The following HAPSTR1 variants were observed in gnomAD, a reference collection of about 807,000 sequenced individuals.
HAPSTR1 encodes the protein HUWE1 associated protein modifying stress responses.
the HAPSTR1 span, among the ~76,000 whole-genome samples, chr16:9,100,312 G>A: frequency 6.6e-6 from 1 of 152,264 alleles, no homozygotes; most frequent in Middle Eastern, 3.4e-3. Flanking sequence ...TTTTCCCGAT[G>A]TTCAAATCTG....
the HAPSTR1 span, among the ~76,000 whole-genome samples, chr16:9,115,635 T>A: frequency 6.6e-6 from 1 of 152,160 alleles, no homozygotes; most frequent in Non-Finnish European, 1.5e-5. Context: ...AACTCTTTTG[T>A]TTTTGAGACG....
chr16:9,115,094 G>T, the HAPSTR1 span, among the ~76,000 whole-genome samples: 1 of 152,146 alleles, frequency 6.6e-6, no homozygotes, highest in Non-Finnish European at 1.5e-5. Context: ...GAGCACCTCA[G>T]AAGGGAGGTG....
the HAPSTR1 span, among the ~76,000 whole-genome samples, chr16:9,093,167 AT>A: frequency 6.6e-6 from 1 of 151,818 alleles, no homozygotes. Flanking sequence ...ACCGGAGGCG[AT>A]TTTGACACCT....
the HAPSTR1 span, chr16:9,091,670 T>C: frequency 2.5e-6 from 1 of 398,722 alleles, no homozygotes; most frequent in Non-Finnish European, 4.4e-6. Context: ...GGCTCCGCGG[T>C]GCAGGCCGAG....
At chr16:9,103,786 G>C in the HAPSTR1 span, 1 of 154,410 alleles carries the variant, frequency 6.5e-6, no homozygotes, top group Non-Finnish European at 1.4e-5. Context: ...CACTTTAAGA[G>C]GCAGGACCAG....
At chr16:9,107,051 C>T in the HAPSTR1 span, 1 of 152,278 alleles carries the variant, frequency 6.6e-6, no homozygotes, top group African/African-American at 2.4e-5. Context: ...TTACGTTTCC[C>T]ATGTCTTCAC....
the HAPSTR1 span, chr16:9,117,280 A>C: frequency 4.7e-6 from 1 of 214,494 alleles, no homozygotes; most frequent in East Asian, 1.3e-4. Flanking sequence ...TTTTGGGTCC[A>C]TTTCCTGCTG....
chr16:9,110,620 G>A, the HAPSTR1 span: 2 of 152,152 alleles, frequency 1.3e-5, no homozygotes, highest in Admixed American at 1.3e-4. Context: ...AAATTTAATT[G>A]TATTTAGCTC....
chr16:9,113,820 A>G, the HAPSTR1 span, among the ~76,000 whole-genome samples: 1 of 152,240 alleles, frequency 6.6e-6, no homozygotes, highest in Non-Finnish European at 1.5e-5. Flanking sequence ...ACTTTAAAAA[A>G]AAGCCAACAA....
chr16:9,103,485 G>C, the HAPSTR1 span: 1 of 510,542 alleles, frequency 2.0e-6, no homozygotes, highest in East Asian at 3.2e-5. Context: ...GAGCTTATTG[G>C]TGTTAAAATG....
At chr16:9,111,937 G>A in the HAPSTR1 span, 1 of 151,612 alleles carries the variant, frequency 6.6e-6, no homozygotes, top group Admixed American at 6.6e-5. Context: ...TCATTTTAAC[G>A]TCGTGAGCAA....
At chr16:9,094,627 T>A in the HAPSTR1 span, among the ~76,000 whole-genome samples, 1 of 152,210 alleles carries the variant, frequency 6.6e-6, no homozygotes, top group Non-Finnish European at 1.5e-5. Context: ...TGTGTCTGGC[T>A]TGTTCCAGTT....
At chr16:9,109,703 T>C in the HAPSTR1 span, 2 of 152,232 alleles carry the variant, frequency 1.3e-5, no homozygotes, top group African/African-American at 4.8e-5. Context: ...CTTTCATGTT[T>C]AAAACAAGTT....
chr16:9,107,084 T>G, the HAPSTR1 span: 1 of 152,316 alleles, frequency 6.6e-6, no homozygotes, highest in Non-Finnish European at 1.5e-5. Flanking sequence ...ACCTCTCGTT[T>G]AGACCTTCTC....
At chr16:9,117,018 T>A in the HAPSTR1 span, 1 of 1,484,618 alleles carries the variant, frequency 6.7e-7, no homozygotes, top group East Asian at 2.3e-5. Context: ...TGTTCACTGT[T>A]TAAGACAAGT....
At chr16:9,099,680 T>TA in the HAPSTR1 span, among the ~76,000 whole-genome samples, 4 of 152,200 alleles carry the variant, frequency 2.6e-5, no homozygotes, top group African/African-American at 9.6e-5. Flanking sequence ...CTGGGATAGG[T>TA]ACCCGAAAGT....
chr16:9,101,610 TGTCTTTAGCAATAAAGAC>T, the HAPSTR1 span, among the ~76,000 whole-genome samples: 2 of 152,252 alleles, frequency 1.3e-5, no homozygotes, highest in Non-Finnish European at 2.9e-5. Context: ...TGTTTTTCTT[TGTCTTTAGCAATAAAGAC>T]TGTCATCTGC....
the HAPSTR1 span, among the ~76,000 whole-genome samples, chr16:9,096,328 T>C: frequency 1.3e-5 from 2 of 152,246 alleles, no homozygotes; most frequent in Admixed American, 1.3e-4. Flanking sequence ...AATAATAGTT[T>C]ATTTTCTGTC....
the HAPSTR1 span, chr16:9,109,119 C>CTT: frequency 1.3e-5 from 2 of 152,286 alleles, no homozygotes; most frequent in South Asian, 4.1e-4. Context: ...ACTTTGACTG[C>CTT]TTAAATATTA....
Sources: gnomAD v4.1 joint callset for allele counts (sites outside exome capture counted in the v4.1 genomes callset) on GRCh38, gnomAD v4.1.1 for gene constraint, MANE v1.5 for transcripts, NCBI Gene and HGNC (gene_info 2026-07-23, HGNC 2026-07-21) for gene names.